Variants in NSD2 observed in about 807,000 individuals in gnomAD.
NSD2 encodes nuclear receptor binding SET domain protein 2.
A neutral mutation model predicts 139.0 loss-of-function variants in NSD2; 12 were observed. The observed-to-expected ratio is 0.09, with a 90% CI of 0.06 to 0.14. The LOEUF (loss-of-function observed/expected upper bound fraction) is 0.14, where lower values mean the gene tolerates loss of function less well. NSD2 is among the 10% of genes least tolerant of loss of function. NSD2 has a pLI of 1.00. For synonymous variants in NSD2, 669 were observed against 648.7 expected (o/e 1.03, Z -0.48); for missense variants, 1,155 against 1,745.0 (o/e 0.66, Z 6.02).
intron 6 of NSD2, among the ~76,000 whole-genome samples, chr4:1,934,275 G>A (rs995399837): frequency 1.3e-5 from 2 of 151,426 alleles, no homozygotes; most frequent in African/African-American, 4.9e-5. Context: ...AGTAGAGATG[G>A]GGTTCCTCCA....
chr4:1,970,997 G>T (rs1726411724), intron 18 of NSD2, among the ~76,000 whole-genome samples: 1 of 152,262 alleles, frequency 6.6e-6, no homozygotes, highest in South Asian at 2.1e-4. Flanking sequence ...AGGACTTCCA[G>T]ATTGGATCAT....
intron 2 of NSD2, among the ~76,000 whole-genome samples, chr4:1,903,081 G>C (rs1560599360): frequency 1.3e-5 from 2 of 152,142 alleles, no homozygotes; most frequent in African/African-American, 4.8e-5. Context: ...TGAGATGGGA[G>C]GATCAAAAAA....
chr4:1,901,117 G>C lies in NSD2; in HGVS notation c.463G>C (p.Glu155Gln). 6.2e-7 allele frequency: 1 copy of C among 1,614,176 alleles called. No homozygotes were observed. Among genetic ancestry groups the C allele is most frequent in the South Asian group, 1.1e-5 (1 of 91,080 alleles). ...GDSAADVSQS[E>Q]ENGQKPENKA... Reference sequence around the variant, plus strand: ...CAGTGCTGCTGATGTGTCTCAGTCAGAAGAAAATGGACAAAAACCAGAAAA... The same window carrying C: ...CAGTGCTGCTGATGTGTCTCAGTCACAAGAAAATGGACAAAAACCAGAAAA... The change falls in exon 2 of 22, where the codon GAA (glutamate) becomes CAA (glutamine). Residue 155 changes from glutamate (E) to glutamine (Q), a missense_variant. Physicochemically the swap from Glu to Gln is conservative, Grantham distance 29. Transcript: ENST00000508803.
intron 9 of NSD2, chr4:1,941,305 C>G: frequency 1.7e-5 from 18 of 1,055,848 alleles, no homozygotes; most frequent in Non-Finnish European, 2.1e-5. Flanking sequence ...TCCGGTTATT[C>G]ACTTGAGTTG....
intron 5 of NSD2, among the ~76,000 whole-genome samples, chr4:1,930,125 T>G (rs1721468568): frequency 6.6e-6 from 1 of 152,146 alleles, no homozygotes; most frequent in Non-Finnish European, 1.5e-5. Flanking sequence ...CTCCGTGTGC[T>G]GGCCTGGGCT....
At chr4:1,947,178 T>G in intron 9 of NSD2, 2 of 1,064,536 alleles carry the variant, frequency 1.9e-6, no homozygotes, top group Non-Finnish European at 2.3e-6. Context: ...CCCAGCACAC[T>G]CCCTGTGGGA....
At chr4:1,932,408 C>T (rs1208271074) in intron 6 of NSD2, among the ~76,000 whole-genome samples, 1 of 143,140 alleles carries the variant, frequency 7.0e-6, no homozygotes, top group Non-Finnish European at 1.5e-5. Context: ...CACTGCACTC[C>T]AGCCTTGGCG....
chr4:1,962,041 C>G (rs1577553636), intron 18 of NSD2, among the ~76,000 whole-genome samples: 1 of 152,176 alleles, frequency 6.6e-6, no homozygotes, highest in Non-Finnish European at 1.5e-5. Flanking sequence ...TTGAACAATT[C>G]ATGGAAGACA....
At position 1,945,745 on chromosome 4, in the gene NSD2, A is replaced by G. The variant is rs1045268535; in HGVS notation, c.1882-5327A>G. 3.8e-6 allele frequency: 4 copies of G among 1,064,106 alleles called. No individual in the cohort carries two copies. In the African/African-American group the frequency reaches 6.5e-5, roughly 17 times the overall value. The allele number at this position is 1,064,106 out of a possible 1,614,324, so 65.9% of individuals were successfully genotyped here. ...TGCCTTGGCAGCAGAGGCTCCTCTGATGGCTGACATCAGTCACTGCGTCTG... is the reference window on the plus strand; with the variant it reads ...TGCCTTGGCAGCAGAGGCTCCTCTGGTGGCTGACATCAGTCACTGCGTCTG... On this transcript the variant is annotated intron_variant, in intron 9 of 21. Coordinates refer to ENST00000508803, the MANE Select transcript of NSD2 (RefSeq NM_001042424.3).
intron 9 of NSD2, among the ~76,000 whole-genome samples, chr4:1,950,821 A>G (rs1038735999): frequency 2.6e-5 from 4 of 152,268 alleles, no homozygotes; most frequent in Non-Finnish European, 5.9e-5. Context: ...TGCCTCTTAT[A>G]TGCATATATA....
intron 5 of NSD2, among the ~76,000 whole-genome samples, chr4:1,928,718 A>G (rs1221170996): frequency 7.0e-6 from 1 of 143,156 alleles, no homozygotes; most frequent in East Asian, 2.4e-4. Context: ...CTCTGGAGTC[A>G]TGGTGGGTGA....
In NSD2 at chr4:1,958,143, G is replaced by A. The variant is rs977372431; in HGVS notation, c.2985+107G>A. 20 of 1,142,000 alleles carry A rather than the reference G, an allele frequency of 1.8e-5. No individual in the cohort carries two copies. In the South Asian group the frequency reaches 2.9e-4, roughly 16 times the overall value. The allele number at this position is 1,142,000 out of a possible 1,614,324, so 70.7% of individuals were successfully genotyped here. A position where few individuals can be genotyped will look rare whatever the true frequency, so the allele number is the denominator to read the frequency against. On this transcript the variant is annotated intron_variant, in intron 16 of 21. Transcript: ENST00000508803. The surrounding 1 kb of genome is among the most constrained non-coding windows in gnomAD (Gnocchi z 4.6). ...ATGGCTGGGGAGAGGACTGTCACCAGCCAGGATCTGTGGTGCCTGGCATGG... is the reference window on the plus strand; with the variant it reads ...ATGGCTGGGGAGAGGACTGTCACCAACCAGGATCTGTGGTGCCTGGCATGG...
rs528868205 is a variant in NSD2, at chr4:1,917,980, C to G, written c.928-161C>G. Among the ~76,000 whole-genome samples the G allele has an allele frequency of 5.9e-5, 9 of 151,734 alleles. No individual in the cohort carries two copies. In the South Asian group the frequency reaches 1.9e-3, roughly 32 times the overall value. Reference sequence around the variant, plus strand: ...TATTTTAGTAGAGATGGGGTTTTGCCATGTTGACCAGGCTGGTCTTAAACT... The same window carrying G: ...TATTTTAGTAGAGATGGGGTTTTGCGATGTTGACCAGGCTGGTCTTAAACT... On this transcript the variant is annotated intron_variant, in intron 4 of 21. Coordinates refer to ENST00000508803, the MANE Select transcript of NSD2 (RefSeq NM_001042424.3).
chr4:1,969,964 T>C (rs1560796026), intron 18 of NSD2, among the ~76,000 whole-genome samples: 1 of 151,608 alleles, frequency 6.6e-6, no homozygotes, highest in East Asian at 1.9e-4. Flanking sequence ...CACTAGAGAG[T>C]AGGAACCACA....
At chr4:1,945,736 G>A in intron 9 of NSD2, 5 of 1,063,874 alleles carry the variant, frequency 4.7e-6, no homozygotes, top group Non-Finnish European at 5.7e-6. Flanking sequence ...GGCAGCAGAG[G>A]CTCCTCTGAT....
Position 1,872,621 on chromosome 4 carries a change from AGAGAGAGAGAGAGAGC to A in NSD2, c.-30+1081_-30+1096del, listed in dbSNP as rs543096595. 5.3e-3 allele frequency among the ~76,000 whole-genome samples: 773 copies of A among 145,450 alleles called. 13 individuals are homozygous for A. Among genetic ancestry groups the A allele is most frequent in the East Asian group, 0.01 (48 of 4,662 alleles). Reference sequence around the variant, plus strand: ...GAGAGAGAGAGAGAGAGAGAGAGAGAGAGAGAGAGAGAGAGCGCGCAGACCCTGTGAAGACAAGACT... The same window carrying A: ...GAGAGAGAGAGAGAGAGAGAGAGAGAGCGCAGACCCTGTGAAGACAAGACT... On this transcript the variant is annotated intron_variant, in intron 1 of 21. Coordinates refer to ENST00000508803, the MANE Select transcript of NSD2 (RefSeq NM_001042424.3).
At chr4:1,967,577 C>CA (rs747771794) in intron 18 of NSD2, among the ~76,000 whole-genome samples, 1,991 of 118,776 alleles carry the variant, frequency 0.017, 29 homozygotes, top group African/African-American at 0.046. Context: ...GACTTTGTCT[C>CA]AAAAAAAAAA....
At chr4:1,922,256 G>C (rs1057480853) in intron 5 of NSD2, among the ~76,000 whole-genome samples, 2 of 152,286 alleles carry the variant, frequency 1.3e-5, no homozygotes, top group African/African-American at 4.8e-5. Context: ...AGAATTAATA[G>C]AGTTCACCAG....
At chr4:1,906,861 A>G (rs1717985835) in intron 3 of NSD2, among the ~76,000 whole-genome samples, 1 of 151,174 alleles carries the variant, frequency 6.6e-6, no homozygotes, top group African/African-American at 2.4e-5. Context: ...GGGTTTCACC[A>G]TATTGGCCAG....
Sources: allele counts gnomAD v4.1 joint callset (sites outside exome capture counted in the v4.1 genomes callset), GRCh38; gene constraint gnomAD v4.1.1; non-coding constraint Gnocchi (gnomAD v3.1); transcripts MANE v1.5; gene names NCBI Gene and HGNC (gene_info 2026-07-23, HGNC 2026-07-21).